PTPRD: variants seen among roughly 807,000 people sequenced by gnomAD.
PTPRD encodes receptor-type tyrosine-protein phosphatase delta.
In PTPRD, 34 loss-of-function variants were observed where a neutral mutation model predicts 214.5. The ratio of observed to expected loss-of-function variants is 0.16; its 90% CI spans 0.12 to 0.21. The LOEUF (loss-of-function observed/expected upper bound fraction) is 0.21, where lower values mean the gene tolerates loss of function less well. Among genes scored for constraint, PTPRD ranks in the 10% least tolerant of loss-of-function variants. The probability of loss-of-function intolerance (pLI) is 1.00; values close to 1 mark genes in which losing one functional copy is unlikely to be tolerated. For synonymous variants in PTPRD, 1,128 were observed against 845.7 expected, an observed-to-expected ratio of 1.33 and a Z score of -5.79; for missense variants, 2,545 against 2,398.7, an observed-to-expected ratio of 1.06 and a Z score of -1.27.
intron 10 of PTPRD, among the ~76,000 whole-genome samples, chr9:9,036,203 GAAAATTAA>G (rs2099621232): frequency 9.1e-6 from 1 of 110,398 alleles, no homozygotes; most frequent in Non-Finnish European, 1.8e-5. Flanking sequence ...CAAATTTTCA[GAAAATTAA>G]AAAAAAAAAA....
chr9:9,569,345 T>C (rs2085619767), intron 8 of PTPRD, among the ~76,000 whole-genome samples: 1 of 151,684 alleles, frequency 6.6e-6, no homozygotes, highest in Non-Finnish European at 1.5e-5. Context: ...AAATATACAT[T>C]TGAGTTTCAA....
chr9:8,940,555 A>G (rs2099027285), intron 11 of PTPRD, among the ~76,000 whole-genome samples: 1 of 149,702 alleles, frequency 6.7e-6, no homozygotes, highest in South Asian at 2.1e-4. Context: ...TGGCCTCCCA[A>G]AGTACTGGGA....
chr9:9,910,645 T>C (rs965438675), intron 5 of PTPRD, among the ~76,000 whole-genome samples: 12 of 152,076 alleles, frequency 7.9e-5, no homozygotes, highest in Non-Finnish European at 1.3e-4. Context: ...GCATTGTTTT[T>C]TGTTATTTAA....
rs572332529 is a variant in PTPRD, at chr9:9,626,203, C to G, written c.-286-51422G>C. On this transcript the variant is annotated intron_variant, in intron 7 of 45. Transcript: ENST00000381196. Reference sequence around the variant, plus strand: ...CACTCTCCACTAGACAGAGCAGATGCCTGATTTTTATTTCCTTTCACGTAA... The same window carrying G: ...CACTCTCCACTAGACAGAGCAGATGGCTGATTTTTATTTCCTTTCACGTAA... 2.6e-5 allele frequency among the ~76,000 whole-genome samples: 4 copies of G among 152,124 alleles called. No individual in the cohort carries two copies. In the East Asian group the frequency reaches 7.7e-4, roughly 29 times the overall value.
intron 10 of PTPRD, among the ~76,000 whole-genome samples, chr9:9,076,854 T>C (rs531675212): frequency 6.6e-6 from 1 of 152,096 alleles, no homozygotes; most frequent in South Asian, 2.1e-4. Context: ...GTAGCTCTAT[T>C]TTTAGTTTTT....
At chr9:10,426,396 A>G (rs931750712) in intron 2 of PTPRD, among the ~76,000 whole-genome samples, 1 of 151,944 alleles carries the variant, frequency 6.6e-6, no homozygotes, top group Admixed American at 6.6e-5. Context: ...AAAAGCCCAA[A>G]AATTTTCGAA....
At chr9:10,458,043 G>T (rs979383854) in intron 2 of PTPRD, among the ~76,000 whole-genome samples, 2 of 151,820 alleles carry the variant, frequency 1.3e-5, no homozygotes, top group African/African-American at 2.4e-5. Context: ...AACAATAAAA[G>T]AGATTGAAGC....
chr9:8,375,880 A>G (rs1158274777), intron 39 of PTPRD, 56 bp downstream of exon 39: 3 of 1,569,812 alleles, frequency 1.9e-6, no homozygotes, highest in African/African-American at 2.7e-5. Context: ...GAAACATCCA[A>G]TGAGAGTCAA....
chr9:9,025,050 G>A (rs1013038121), intron 10 of PTPRD, among the ~76,000 whole-genome samples: 6 of 151,848 alleles, frequency 4.0e-5, no homozygotes, highest in Non-Finnish European at 8.8e-5. Flanking sequence ...TCGTTGTTTA[G>A]TCCCTTGTAA....
chr9:10,231,281 G>A (rs889144223), intron 3 of PTPRD, among the ~76,000 whole-genome samples: 26 of 151,758 alleles, frequency 1.7e-4, no homozygotes, highest in African/African-American at 6.0e-4. Context: ...AAACAAAACT[G>A]ATAGCACATG....
intron 11 of PTPRD, among the ~76,000 whole-genome samples, chr9:9,017,153 T>C (rs2099539265): frequency 6.6e-6 from 1 of 152,106 alleles, no homozygotes; most frequent in African/African-American, 2.4e-5. Flanking sequence ...AAATGATTAA[T>C]ACATAATAGC....
chr9:10,091,346 G>T (rs894511740), intron 3 of PTPRD, among the ~76,000 whole-genome samples: 1 of 151,356 alleles, frequency 6.6e-6, no homozygotes, highest in Non-Finnish European at 1.5e-5. Context: ...AATTATTTTT[G>T]TTACTATATT....
chr9:10,307,487 T>C lies in PTPRD; in HGVS notation c.-545+33476A>G, dbSNP rs543591770. Reference sequence around the variant, plus strand: ...TTGATGGGTACTTAGGTTGATTTCATAGCTTTACTATTGTAAATAGAGCTA... The same window carrying C: ...TTGATGGGTACTTAGGTTGATTTCACAGCTTTACTATTGTAAATAGAGCTA... On this transcript the variant is annotated intron_variant, in intron 3 of 45. Coordinates refer to ENST00000381196, the MANE Select transcript of PTPRD (RefSeq NM_002839.4). Among the ~76,000 whole-genome samples the C allele has an allele frequency of 4.6e-5, 7 of 152,274 alleles. No homozygotes were observed. The South Asian group carries it at 6.2e-4, about 14-fold the overall frequency.
intron 9 of PTPRD, among the ~76,000 whole-genome samples, chr9:9,345,268 T>G (rs1335742606): frequency 6.7e-6 from 1 of 149,918 alleles, no homozygotes. Flanking sequence ...AACATATATT[T>G]CAGTAAAAAT....
At chr9:10,098,531 T>C (rs2098518113) in intron 3 of PTPRD, among the ~76,000 whole-genome samples, 1 of 151,734 alleles carries the variant, frequency 6.6e-6, no homozygotes, top group Non-Finnish European at 1.5e-5. Flanking sequence ...TAAAAAATGC[T>C]ACTTCTTTCC....
chr9:9,169,303 A>G (rs190685937), intron 10 of PTPRD, among the ~76,000 whole-genome samples: 1 of 152,148 alleles, frequency 6.6e-6, no homozygotes, highest in East Asian at 1.9e-4. Context: ...AACCAATTCT[A>G]TGCCACACTA....
rs190420323 is a variant in PTPRD at position 8,829,685 on chromosome 9, C to G, written c.-103-95739G>C. Reference sequence around the variant, plus strand: ...GAGCTCGGTTACTAGGAAGATAGTACACATTAATGCATCATCCTCTAGAGA... The same window carrying G: ...GAGCTCGGTTACTAGGAAGATAGTAGACATTAATGCATCATCCTCTAGAGA... On this transcript the variant is annotated intron_variant, in intron 11 of 45. Transcript: ENST00000381196. Among the ~76,000 whole-genome samples, 9 of 152,226 alleles carry G rather than the reference C, an allele frequency of 5.9e-5. No homozygotes were observed. In the East Asian group the frequency reaches 1.7e-3, roughly 29 times the overall value.
At chr9:8,706,526 G>C (rs995627818) in intron 12 of PTPRD, among the ~76,000 whole-genome samples, 15 of 151,972 alleles carry the variant, frequency 9.9e-5, no homozygotes, top group African/African-American at 3.6e-4. Flanking sequence ...TTCCCCTACT[G>C]TGGCTTTGAA....
intron 9 of PTPRD, among the ~76,000 whole-genome samples, chr9:9,241,149 T>G (rs940964458): frequency 6.6e-5 from 10 of 152,194 alleles, no homozygotes; most frequent in Admixed American, 5.2e-4. Context: ...TTTTTATGAT[T>G]ACTTATTTGA....
Sources: allele counts gnomAD v4.1 joint callset (sites outside exome capture counted in the v4.1 genomes callset), GRCh38; gene constraint gnomAD v4.1.1; transcripts MANE v1.5; gene names NCBI Gene and HGNC (gene_info 2026-07-23, HGNC 2026-07-21).